BNC2: variants seen among roughly 807,000 people sequenced by gnomAD.
BNC2 encodes basonuclin zinc finger protein 2, also known as zinc finger protein basonuclin-2.
BNC2 carries 20 observed loss-of-function variants against 76.3 expected under a neutral mutation model. The ratio of observed to expected loss-of-function variants is 0.26; its 90% confidence interval spans 0.18 to 0.38. BNC2 has a LOEUF of 0.38. Ranked by LOEUF, BNC2 falls within the 10% of genes least tolerant of loss-of-function variation. The pLI, the probability that BNC2 is intolerant of heterozygous loss-of-function variation, is 1.00. For synonymous variants in BNC2, 582 were observed against 514.8 expected (o/e 1.13, Z -1.77); for missense variants, 1,382 against 1,399.8 (o/e 0.99, Z 0.20).
chr9:16,590,650 A>T (rs890103196), intron 3 of BNC2, among the ~76,000 whole-genome samples: 8 of 152,114 alleles, frequency 5.3e-5, no homozygotes. Flanking sequence ...CTATAAAAAT[A>T]TGAAAAATTC....
chr9:16,808,017 T>A (rs1817954278), intron 1 of BNC2, among the ~76,000 whole-genome samples: 2 of 152,118 alleles, frequency 1.3e-5, no homozygotes, highest in African/African-American at 4.8e-5. Flanking sequence ...AAAATAAGAA[T>A]AATAATACAT....
chr9:16,591,956 A>C (rs1034059656), intron 3 of BNC2, among the ~76,000 whole-genome samples: 1 of 152,174 alleles, frequency 6.6e-6, no homozygotes, highest in African/African-American at 2.4e-5. Flanking sequence ...GTGTCTTCTC[A>C]ACGAAAAAAC....
intron 4 of BNC2, among the ~76,000 whole-genome samples, chr9:16,580,736 G>A (rs1003842989): frequency 1.3e-5 from 2 of 152,074 alleles, no homozygotes; most frequent in African/African-American, 2.4e-5. Context: ...AAATGAGAGC[G>A]AATAAATGAA....
rs1423956116 is a variant in BNC2, at chr9:16,536,250, C to T, written c.669+16280G>A. 2.0e-5 allele frequency among the ~76,000 whole-genome samples: 3 copies of T among 151,298 alleles called. No homozygotes were observed. In the East Asian group the frequency reaches 5.8e-4, roughly 29 times the overall value. ...ATACCTTTCTATACCTCATCCAAAT[C>T]TTTTATAGACAATTCTATATTTCAG... On this transcript the variant is annotated intron_variant, in intron 5 of 6. Coordinates refer to ENST00000380672, the MANE Select transcript of BNC2 (RefSeq NM_017637.6).
At chr9:16,823,643 A>G (rs559837105) in intron 1 of BNC2, among the ~76,000 whole-genome samples, 2 of 152,226 alleles carry the variant, frequency 1.3e-5, no homozygotes, top group East Asian at 3.9e-4. Flanking sequence ...GTGTAACTTA[A>G]CAAAAACAAT....
intron 4 of BNC2, among the ~76,000 whole-genome samples, chr9:16,570,630 T>C (rs750459265): frequency 1.3e-5 from 2 of 152,198 alleles, no homozygotes; most frequent in Admixed American, 6.5e-5. Flanking sequence ...AAATCTTAAA[T>C]GCACAAGTAG....
At chr9:16,856,279 A>T (rs60043391) in intron 1 of BNC2, among the ~76,000 whole-genome samples, 3,201 of 54,410 alleles carry the variant, frequency 0.059, 107 homozygotes, top group African/African-American at 0.11. Context: ...TCTCTCTCTC[A>T]CACACACACA....
chr9:16,788,353 A>C (rs541694321), intron 1 of BNC2, among the ~76,000 whole-genome samples: 1 of 151,814 alleles, frequency 6.6e-6, no homozygotes, highest in South Asian at 2.1e-4. Context: ...GGAGATCGAG[A>C]CCATCCTGGC....
At chr9:16,791,701 C>G (rs1817514969) in intron 1 of BNC2, among the ~76,000 whole-genome samples, 1 of 152,176 alleles carries the variant, frequency 6.6e-6, no homozygotes, top group Non-Finnish European at 1.5e-5. Flanking sequence ...AAGTCACATA[C>G]TGACACTGTG....
At chr9:16,868,416 A>T (rs1819595304) in intron 1 of BNC2, among the ~76,000 whole-genome samples, 2 of 152,184 alleles carry the variant, frequency 1.3e-5, no homozygotes, top group South Asian at 4.1e-4. Flanking sequence ...TCTGACAGAT[A>T]TCTTACATCT....
At chr9:16,421,354 A>G in intron 6 of BNC2, 3 of 1,040,056 alleles carry the variant, frequency 2.9e-6, no homozygotes, top group Non-Finnish European at 3.9e-6. Flanking sequence ...AGAAAGAGAA[A>G]GAGAGAGAGA....
At chr9:16,448,680 A>C (rs559349741) in intron 5 of BNC2, among the ~76,000 whole-genome samples, 4 of 152,318 alleles carry the variant, frequency 2.6e-5, no homozygotes, top group African/African-American at 9.6e-5. Context: ...CTGAGGACTG[A>C]GTGTGTGACT....
chr9:16,802,636 C>G (rs908508419), intron 1 of BNC2, among the ~76,000 whole-genome samples: 2 of 152,164 alleles, frequency 1.3e-5, no homozygotes, highest in African/African-American at 4.8e-5. Context: ...CTCTCCCATT[C>G]TTTGTCCATC....
intron 1 of BNC2, among the ~76,000 whole-genome samples, chr9:16,792,293 A>C (rs913740004): frequency 4.6e-5 from 7 of 152,204 alleles, no homozygotes; most frequent in African/African-American, 1.7e-4. Context: ...GTCCAAAAGC[A>C]TGCAACCTGT....
Position 16,736,848 on chromosome 9 carries a change from G to A in BNC2, c.129+1512C>T, listed in dbSNP as rs368757673. Among the ~76,000 whole-genome samples, 13 of 148,936 alleles carry A rather than the reference G, an allele frequency of 8.7e-5. No individual in the cohort carries two copies. The South Asian group carries it at 1.1e-3, about 12-fold the overall frequency. Reference sequence around the variant, plus strand: ...TGCCTAGCTCTTTCACTCTTGTTGTGCAGGCTGGAGTGCAACGGCACCATC... The same window carrying A: ...TGCCTAGCTCTTTCACTCTTGTTGTACAGGCTGGAGTGCAACGGCACCATC... On this transcript the variant is annotated intron_variant, in intron 2 of 6. Coordinates refer to ENST00000380672, the MANE Select transcript of BNC2 (RefSeq NM_017637.6).
chr9:16,472,830 A>G (rs1457788198), intron 5 of BNC2, among the ~76,000 whole-genome samples: 1 of 152,254 alleles, frequency 6.6e-6, no homozygotes, highest in African/African-American at 2.4e-5. Flanking sequence ...ATTAAGTTTT[A>G]GTTATGTTGA....
At chr9:16,624,310 A>G (rs764944703) in intron 3 of BNC2, among the ~76,000 whole-genome samples, 9 of 152,176 alleles carry the variant, frequency 5.9e-5, no homozygotes, top group South Asian at 4.1e-4. Context: ...ACCCGATTAT[A>G]CCAAACTTTT....
At chr9:16,618,915 T>C (rs1820786118) in intron 3 of BNC2, among the ~76,000 whole-genome samples, 1 of 152,082 alleles carries the variant, frequency 6.6e-6, no homozygotes, top group African/African-American at 2.4e-5. Context: ...GAAATGAAAA[T>C]GATTTGTCAC....
chr9:16,441,637 T>C (rs1163202526), intron 5 of BNC2, among the ~76,000 whole-genome samples: 1 of 152,212 alleles, frequency 6.6e-6, no homozygotes. Flanking sequence ...TATTCAAAAA[T>C]GGACCAATGT....
Sources: gnomAD v4.1 joint callset for allele counts (sites outside exome capture counted in the v4.1 genomes callset) on GRCh38, gnomAD v4.1.1 for gene constraint, MANE v1.5 for transcripts, NCBI Gene and HGNC (gene_info 2026-07-23, HGNC 2026-07-21) for gene names.